The following ADAMTS13 variants were observed in gnomAD, a reference collection of about 807,000 sequenced individuals.
The protein encoded by ADAMTS13 is A disintegrin and metalloproteinase with thrombospondin motifs 13.
A neutral mutation model predicts 155.1 loss-of-function variants in ADAMTS13; 110 were observed. That is an observed-to-expected ratio of 0.71 (90% CI 0.61 to 0.83). ADAMTS13 has a LOEUF of 0.83. ADAMTS13 is among the 40% of genes least tolerant of loss of function. The pLI is 0.00. For synonymous variants in ADAMTS13, 758 were observed against 756.4 expected (o/e 1.00, Z -0.03); for missense variants, 1,707 against 1,891.7 (o/e 0.90, Z 1.81).
intron 19 of ADAMTS13, 81 bp downstream of exon 19, chr9:133,443,642 A>G (rs2130882298): frequency 7.0e-7 from 1 of 1,420,654 alleles, no homozygotes; most frequent in Non-Finnish European, 9.2e-7. Context: ...TCCTTCTGAG[A>G]ATCCCCTCCT....
Position 133,444,972 on chromosome 9 carries a change from G to C in ADAMTS13, c.2530G>C (p.Glu844Gln). Reference sequence around the variant, plus strand: ...AGATGGCCTGGAGGCTCCAGTGACTGAGGGGCCTGGCTCCGTAGATGAGAA... The same window carrying C: ...AGATGGCCTGGAGGCTCCAGTGACTCAGGGGCCTGGCTCCGTAGATGAGAA... ...GADGLEAPVTEGPGSVDEKLP... is the reference protein window; with the variant it reads ...GADGLEAPVTQGPGSVDEKLP... Residue 844 changes from glutamate (E) to glutamine (Q), a missense_variant, in exon 20 of 29, where the codon GAG becomes CAG. Coordinates refer to ENST00000355699, the MANE Select transcript of ADAMTS13 (RefSeq NM_139027.6). 6.2e-7 allele frequency: 1 copy of C among 1,613,480 alleles called. No homozygotes were observed. Among genetic ancestry groups the C allele is most frequent in the Non-Finnish European group, 8.5e-7 (1 of 1,180,030 alleles).
In ADAMTS13 at chr9:133,445,000, T is replaced by A; in HGVS notation, c.2558T>A (p.Leu853Gln). Residue 853 changes from leucine to glutamine, a missense_variant, in exon 20 of 29, where the codon CTG (leucine) becomes CAG (glutamine). Leu to Gln is a moderately radical substitution (Grantham distance 113). Coordinates refer to ENST00000355699, the MANE Select transcript of ADAMTS13 (RefSeq NM_139027.6). Reference protein sequence around the residue: ...TEGPGSVDEKLPAPEPCVGMS... With the variant: ...TEGPGSVDEKQPAPEPCVGMS... ...GGGCCTGGCTCCGTAGATGAGAAGC[T>A]GCCTGCCCCTGAGCCCTGTGTCGGG... 6.2e-7 allele frequency: 1 copy of A among 1,613,480 alleles called. No homozygotes were observed. The highest frequency in any genetic ancestry group is 1.6e-4 in the Middle Eastern group (1 of 6,062).
At chr9:133,417,037 G>C (rs1554781731), upstream of ADAMTS13, among the ~76,000 whole-genome samples, 12 of 152,182 alleles carry the variant, frequency 7.9e-5, no homozygotes. Context: ...TTGAGATGGA[G>C]TCTCGCTCTG....
chr9:133,420,677 T>C (rs1839918712), upstream of ADAMTS13, among the ~76,000 whole-genome samples: 1 of 152,154 alleles, frequency 6.6e-6, no homozygotes. Context: ...AGTGGGGGCT[T>C]TCCAGGAACG....
At position 133,423,130 on chromosome 9, in the gene ADAMTS13, C is replaced by T. The variant is rs146394542; in HGVS notation, c.135C>T (p.Ala45=). Residue 45 remains alanine (A), a synonymous_variant, in exon 2 of 29, where the codon GCC becomes GCT. Transcript: ENST00000355699. ...QSCLQALEPQ[A]VSSYLSPGAP... ...GTCTTCAGGCTTTGGAGCCACAGGC[C>T]GTGTCTTCTTACTTGAGCCCTGGTG... 39 of 1,613,742 alleles carry T rather than the reference C, an allele frequency of 2.4e-5. No homozygotes were observed. In the Admixed American group the frequency reaches 3.7e-4, roughly 15 times the overall value.
At position 133,456,791 on chromosome 9, in the gene ADAMTS13, G is replaced by A. The variant is rs1554796189; in HGVS notation, c.3724+72G>A. Reference sequence around the variant, plus strand: ...AGGGAGGCTGGGTGGGTGCTGCTGGGGATGGGGCCAGTCCCAGTGGGGCAG... The same window carrying A: ...AGGGAGGCTGGGTGGGTGCTGCTGGAGATGGGGCCAGTCCCAGTGGGGCAG... On this transcript the variant is annotated intron_variant, in intron 27 of 28. Transcript: ENST00000355699. The surrounding 1 kb of genome is among the most constrained non-coding windows in gnomAD (Gnocchi z 4.4). 3.3e-6 allele frequency: 5 copies of A among 1,524,662 alleles called. No homozygotes were observed. The highest frequency in any genetic ancestry group is 4.4e-6 in the Non-Finnish European group (5 of 1,126,152). 94.4% of individuals were successfully genotyped at this position (1,524,662 alleles called of 1,614,324 possible). A position where few individuals can be genotyped will look rare whatever the true frequency, so the allele number is the denominator to read the frequency against.
rs1282926872 is a variant in ADAMTS13 at position 133,456,711 on chromosome 9, T to C, written c.3716T>C (p.Phe1239Ser). The change falls in exon 27 of 29, where the codon TTC (phenylalanine) becomes TCC (serine). Residue 1239 changes from phenylalanine (F) to serine (S), a missense_variant. Physicochemically the swap from Phe to Ser is radical, Grantham distance 155. Transcript: ENST00000355699. The surrounding 1 kb of genome is among the most constrained non-coding windows in gnomAD (Gnocchi z 4.4). Reference sequence around the variant, plus strand: ...GGGAGCCAGCTTGCTCCTGAAACCTTCTACAGAGGTATGGCCAGGCCTTCT... The same window carrying C: ...GGGAGCCAGCTTGCTCCTGAAACCTCCTACAGAGGTATGGCCAGGCCTTCT... ...RYGSQLAPETFYRECDMQLFG... is the reference protein window; with the variant it reads ...RYGSQLAPETSYRECDMQLFG... 8.3e-6 allele frequency: 13 copies of C among 1,564,110 alleles called. No individual in the cohort carries two copies. Among genetic ancestry groups the C allele is most frequent in the African/African-American group, 1.4e-5 (1 of 73,918 alleles).
chr9:133,436,317 G>C (rs1390060689), intron 11 of ADAMTS13, among the ~76,000 whole-genome samples: 1 of 151,784 alleles, frequency 6.6e-6, no homozygotes, highest in Non-Finnish European at 1.5e-5. Context: ...CAGACCGTGA[G>C]GGGAGGGTCT....
At chr9:133,432,340 A>C (rs1588163923) in intron 8 of ADAMTS13, among the ~76,000 whole-genome samples, 2 of 152,350 alleles carry the variant, frequency 1.3e-5, no homozygotes, top group South Asian at 4.1e-4. Flanking sequence ...TAAGAAGGAA[A>C]AAAAGAAAAA....
At chr9:133,417,493 G>A, upstream of ADAMTS13, 1 of 957,092 alleles carries the variant, frequency 1.0e-6, no homozygotes, top group Non-Finnish European at 1.6e-6. Flanking sequence ...CTTGTGAAAA[G>A]CTGTTTACAA....
At chr9:133,455,616 C>A (rs201748797) in intron 25 of ADAMTS13, 181 bp downstream of exon 25, 1 of 1,599,248 alleles carries the variant, frequency 6.3e-7, no homozygotes, top group Non-Finnish European at 8.5e-7. Context: ...TATGTCCTGT[C>A]CTCCTTCCTG....
intron 6 of ADAMTS13, among the ~76,000 whole-genome samples, chr9:133,428,417 C>A (rs1028414697): frequency 1.8e-4 from 27 of 152,222 alleles, no homozygotes; most frequent in African/African-American, 6.3e-4. Context: ...GCTGGGCTAG[C>A]GCTCCCTTCT....
intron 23 of ADAMTS13, among the ~76,000 whole-genome samples, chr9:133,450,633 C>T (rs1842379402): frequency 6.6e-6 from 1 of 151,990 alleles, no homozygotes; most frequent in Admixed American, 6.6e-5. Context: ...CCTGTCATCC[C>T]AGCTACTTCA....
At chr9:133,417,292 C>T (rs1554781838), upstream of ADAMTS13, among the ~76,000 whole-genome samples, 1 of 152,268 alleles carries the variant, frequency 6.6e-6, no homozygotes, top group African/African-American at 2.4e-5. Flanking sequence ...GCTGGGATCA[C>T]AGGCGTGAGG....
intron 8 of ADAMTS13, 53 bp downstream of exon 8, chr9:133,430,154 C>T (rs983444953): frequency 6.5e-7 from 1 of 1,542,756 alleles, no homozygotes; most frequent in Non-Finnish European, 8.7e-7. Context: ...TCCGCATCAC[C>T]CAGCTCACGT....
In ADAMTS13 at chr9:133,424,257, C is replaced by T. The variant is rs1840130168; in HGVS notation, c.173-64C>T. ...CTTCCAAGACCTGCCAGCCCCTTTC[C>T]TGTTAGCTTTCCACTGCTTGCTCTC... On this transcript the variant is annotated intron_variant, in intron 2 of 28. Transcript: ENST00000355699. This position sits in a 1 kb window ranked among gnomAD's most constrained non-coding sequence, Gnocchi z 4.3. 6.2e-7 allele frequency: 1 copy of T among 1,602,928 alleles called. No homozygotes were observed. The highest frequency in any genetic ancestry group is 8.5e-7 in the Non-Finnish European group (1 of 1,179,174).
In ADAMTS13 at chr9:133,456,247, A is replaced by G; in HGVS notation, c.3547+32A>G. On this transcript the variant is annotated intron_variant, in intron 26 of 28. Coordinates refer to ENST00000355699, the MANE Select transcript of ADAMTS13 (RefSeq NM_139027.6). The surrounding 1 kb of genome is among the most constrained non-coding windows in gnomAD (Gnocchi z 4.4). ...CTAGGGCCATGCAAGCGATGCTGCC[A>G]GTTATGGGCCCTGCCAGGAGCCAGC... 6.2e-7 allele frequency: 1 copy of G among 1,613,106 alleles called. No homozygotes were observed. Among genetic ancestry groups the G allele is most frequent in the Non-Finnish European group, 8.5e-7 (1 of 1,180,004 alleles).
At chr9:133,453,862 G>A (rs973980685) in intron 23 of ADAMTS13, among the ~76,000 whole-genome samples, 3 of 152,106 alleles carry the variant, frequency 2.0e-5, no homozygotes, top group Admixed American at 6.5e-5. Context: ...CGGAAGGCAC[G>A]GGTCCAAGAG....
In ADAMTS13 at chr9:133,438,311, G is replaced by C. The variant is rs150203373; in HGVS notation, c.1650G>C (p.Gly550=). 2 of 1,613,996 alleles carry C rather than the reference G, an allele frequency of 1.2e-6. No individual in the cohort carries two copies. The highest frequency in any genetic ancestry group is 2.7e-5 in the African/African-American group (2 of 74,912). ...GGGACAGGTGCCAGGTGTGTGGTGG[G>C]GACAACAGCACGTGCAGCCCACGGA... ...QVWDRCQVCG[G]DNSTCSPRKG... is the part of the protein sequence containing the mutation. Residue 550 remains glycine, a synonymous_variant, in exon 14 of 29, where the codon GGG becomes GGC. Transcript: ENST00000355699.
Sources: gnomAD v4.1 joint callset for allele counts (sites outside exome capture counted in the v4.1 genomes callset) on GRCh38, gnomAD v4.1.1 for gene constraint, Gnocchi (gnomAD v3.1) non-coding constraint, MANE v1.5 for transcripts, NCBI Gene and HGNC (gene_info 2026-07-23, HGNC 2026-07-21) for gene names.